The following CUX1 variants were observed in gnomAD, a reference collection of about 807,000 sequenced individuals.
CUX1 encodes cut like homeobox 1.
CUX1 carries 31 observed loss-of-function variants against 158.8 expected under a neutral mutation model. The observed-to-expected ratio is 0.20, with a 90% CI of 0.15 to 0.26. The LOEUF (loss-of-function observed/expected upper bound fraction) is 0.26. Among genes scored for constraint, CUX1 ranks in the 10% least tolerant of loss-of-function variants. CUX1 has a pLI of 1.00. For synonymous variants in CUX1, 879 were observed against 862.1 expected (o/e 1.02, Z -0.34); for missense variants, 1,589 against 2,014.6 (o/e 0.79, Z 4.04).
At chr7:102,241,533 G>A (rs998633716) in intron 23 of CUX1, among the ~76,000 whole-genome samples, 4 of 152,154 alleles carry the variant, frequency 2.6e-5, no homozygotes, top group African/African-American at 4.8e-5. Context: ...GGGAAGTTGT[G>A]TCTCTCACCG....
At chr7:102,189,397 A>ATTTT (rs1563376302) in intron 11 of CUX1, among the ~76,000 whole-genome samples, 1 of 57,290 alleles carries the variant, frequency 1.7e-5, no homozygotes, top group African/African-American at 7.2e-5. Flanking sequence ...TTTTTTTTTA[A>ATTTT]AAAAAAAAGA....
At chr7:102,029,476 G>C (rs888279069) in intron 3 of CUX1, among the ~76,000 whole-genome samples, 12 of 152,146 alleles carry the variant, frequency 7.9e-5, no homozygotes, top group Admixed American at 3.9e-4. Flanking sequence ...TCTAGAGCAA[G>C]TTGTCGGGCT....
chr7:101,821,671 CTTTTT>C (rs58793343), intron 1 of CUX1, among the ~76,000 whole-genome samples: 95 of 51,318 alleles, frequency 1.9e-3, no homozygotes, highest in African/African-American at 2.7e-3. Context: ...TTTCTTTTTT[CTTTTT>C]TTTTTTTTTT....
chr7:102,256,801 T>G lies in CUX1; in HGVS notation c.*7759T>G. Reference sequence around the variant, plus strand: ...GAGGGCGCGGTGGCCTGGCCAAGACTTTACCTCCAAGCGAGAGAGTGATTT... The same window carrying G: ...GAGGGCGCGGTGGCCTGGCCAAGACGTTACCTCCAAGCGAGAGAGTGATTT... On this transcript the variant is annotated 3_prime_UTR_variant, in exon 24 of 24. Coordinates refer to ENST00000292535, the MANE Select transcript of CUX1 (RefSeq NM_181552.4). The G allele has an allele frequency of 1.0e-6, 1 of 985,446 alleles. No individual in the cohort carries two copies. Among genetic ancestry groups the G allele is most frequent in the Non-Finnish European group, 1.2e-6 (1 of 829,952 alleles). The allele number at this position is 985,446 out of a possible 1,614,324, so 61.0% of individuals were successfully genotyped here. A position where few individuals can be genotyped will look rare whatever the true frequency, so the allele number is the denominator to read the frequency against.
At chr7:102,084,614 G>A (rs1394951229) in intron 4 of CUX1, among the ~76,000 whole-genome samples, 1 of 143,610 alleles carries the variant, frequency 7.0e-6, no homozygotes, top group Non-Finnish European at 1.6e-5. Context: ...TAGTGGAGAC[G>A]GGGTTTCAGC....
chr7:102,202,912 A>T (rs79337387), intron 18 of CUX1, among the ~76,000 whole-genome samples: 1 of 152,196 alleles, frequency 6.6e-6, no homozygotes, highest in Non-Finnish European at 1.5e-5. Context: ...ATTCAGGAGA[A>T]TGAGGGTTAA....
chr7:102,013,406 A>G (rs901430872), intron 2 of CUX1, among the ~76,000 whole-genome samples: 5 of 152,214 alleles, frequency 3.3e-5, no homozygotes, highest in African/African-American at 1.2e-4. Context: ...AATGTCTTCA[A>G]CTGTATTTCT....
chr7:102,010,733 T>C (rs1817904078), intron 2 of CUX1, among the ~76,000 whole-genome samples: 1 of 152,246 alleles, frequency 6.6e-6, no homozygotes, highest in Non-Finnish European at 1.5e-5. Context: ...GAAGGAGTTC[T>C]GCCGGCGGGC....
At chr7:101,895,865 C>T (rs1584911493) in intron 1 of CUX1, among the ~76,000 whole-genome samples, 1 of 147,606 alleles carries the variant, frequency 6.8e-6, no homozygotes, top group African/African-American at 2.5e-5. Flanking sequence ...GATTTGGGGG[C>T]CACGTTTCCT....
intron 3 of CUX1, among the ~76,000 whole-genome samples, chr7:102,040,801 G>A (rs1352763832): frequency 1.3e-5 from 2 of 152,212 alleles, no homozygotes; most frequent in African/African-American, 2.4e-5. Flanking sequence ...CACCACCTCT[G>A]TGACCTTGGG....
chr7:102,001,773 G>T (rs545595131), intron 2 of CUX1, among the ~76,000 whole-genome samples: 1 of 152,214 alleles, frequency 6.6e-6, no homozygotes, highest in Non-Finnish European at 1.5e-5. Flanking sequence ...CTTGATAAGC[G>T]TGTGCTGAGC....
intron 3 of CUX1, among the ~76,000 whole-genome samples, chr7:102,031,574 A>C (rs1017863479): frequency 9.9e-5 from 15 of 152,140 alleles, no homozygotes; most frequent in African/African-American, 3.6e-4. Flanking sequence ...TAAAATTATC[A>C]TAGATTTTGA....
intron 3 of CUX1, among the ~76,000 whole-genome samples, chr7:102,044,532 T>C (rs966475708): frequency 4.6e-5 from 7 of 152,190 alleles, no homozygotes; most frequent in African/African-American, 9.6e-5. Flanking sequence ...TTTCTTGTTA[T>C]TGCATTAACT....
intron 20 of CUX1, among the ~76,000 whole-genome samples, chr7:102,215,519 G>A (rs782569234): frequency 4.6e-5 from 7 of 152,234 alleles, no homozygotes; most frequent in Non-Finnish European, 1.0e-4. Flanking sequence ...GCACCGAAGC[G>A]GGAAGATGAT....
intron 5 of CUX1, among the ~76,000 whole-genome samples, chr7:102,101,833 A>T (rs1829804897): frequency 6.6e-6 from 1 of 151,926 alleles, no homozygotes; most frequent in Admixed American, 6.6e-5. Flanking sequence ...AATTGTGTGA[A>T]CCTGGGAGGC....
At chr7:102,156,212 A>AC (rs1488830740) in intron 8 of CUX1, among the ~76,000 whole-genome samples, 1 of 152,104 alleles carries the variant, frequency 6.6e-6, no homozygotes, top group Non-Finnish European at 1.5e-5. Flanking sequence ...TCCAGGGTGT[A>AC]CCTTAGCCTG....
At chr7:102,151,120 A>G (rs902467814) in intron 8 of CUX1, among the ~76,000 whole-genome samples, 6 of 152,220 alleles carry the variant, frequency 3.9e-5, no homozygotes, top group Non-Finnish European at 5.9e-5. Flanking sequence ...TTAATTCATT[A>G]CTGCGCTTCC....
In CUX1 at chr7:101,991,708, G is replaced by A. The variant is rs921940958; in HGVS notation, c.142-36390G>A. On this transcript the variant is annotated intron_variant, in intron 2 of 23. Coordinates refer to ENST00000292535, the MANE Select transcript of CUX1 (RefSeq NM_181552.4). ...CGGGAGGCAGAGGTTGCAGTGAGCT[G>A]AGATCGCGCCACTGCACTTCAGCCT... Among the ~76,000 whole-genome samples the A allele has an allele frequency of 8.0e-5, 12 of 150,276 alleles. No homozygotes were observed. In the South Asian group the frequency reaches 1.7e-3, roughly 21 times the overall value.
chr7:102,008,342 T>C (rs1817622077), intron 2 of CUX1, among the ~76,000 whole-genome samples: 1 of 152,022 alleles, frequency 6.6e-6, no homozygotes, highest in East Asian at 1.9e-4. Flanking sequence ...GTATCTTGTC[T>C]CTTTCTAGAA....
Sources: allele counts gnomAD v4.1 joint callset (sites outside exome capture counted in the v4.1 genomes callset), GRCh38; gene constraint gnomAD v4.1.1; transcripts MANE v1.5; gene names NCBI Gene and HGNC (gene_info 2026-07-23, HGNC 2026-07-21).